Variants in DYNC2I1 observed in about 807,000 individuals in gnomAD.
DYNC2I1 encodes dynein 2 intermediate chain 1.
DYNC2I1 carries 89 observed loss-of-function variants against 133.4 expected under a neutral mutation model. The observed-to-expected ratio is 0.67, with a 90% CI of 0.56 to 0.80. DYNC2I1 has a LOEUF of 0.80. DYNC2I1 is among the 30% of genes least tolerant of loss of function. The pLI, the probability that DYNC2I1 is intolerant of heterozygous loss-of-function variation, is 0.00. For missense variants in DYNC2I1, 1,291 were observed against 1,314.5 expected (o/e 0.98, Z 0.28); for synonymous variants, 504 against 484.3 (o/e 1.04, Z -0.54).
Position 158,871,557 on chromosome 7 carries a change from G to C in DYNC2I1, c.485G>C (p.Arg162Pro), listed in dbSNP as rs541525679. Residue 162 changes from arginine (R) to proline (P), a missense_variant, in exon 3 of 25, where the codon CGC (arginine) becomes CCC (proline). Arg to Pro is a moderately radical substitution (Grantham distance 103). Transcript: ENST00000407559. ...CTGGAGCGGGCGGAGAGGAAAGGCC[G>C]CTCAGGTGGGTCCCCGCTTGCCTTC... ...QLLERAERKGRSVSKVRSEEK... is the reference protein window; with the variant it reads ...QLLERAERKGPSVSKVRSEEK... 2 of 1,533,366 alleles carry C rather than the reference G, an allele frequency of 1.3e-6. No individual in the cohort carries two copies. The highest frequency in any genetic ancestry group is 2.4e-5 in the South Asian group (2 of 83,138). The allele number at this position is 1,533,366 out of a possible 1,614,324, so 95.0% of individuals were successfully genotyped here. A position where few individuals can be genotyped will look rare whatever the true frequency, so the allele number is the denominator to read the frequency against.
At position 158,923,642 on chromosome 7, in the gene DYNC2I1, C is replaced by T. The variant is rs201703506; in HGVS notation, c.2166C>T (p.Val722=). The change falls in exon 17 of 25, where the codon GTC becomes GTT. Residue 722 remains valine (V), a synonymous_variant. Coordinates refer to ENST00000407559, the MANE Select transcript of DYNC2I1 (RefSeq NM_018051.5). ...CCGGAACAGCGCACGGCTCAGTTGT[C>T]GTCTGGGATTTGAGAGAAGACTCAA... ...LFAGTAHGSV[V]VWDLREDSRL... 37 of 1,613,958 alleles carry T rather than the reference C, an allele frequency of 2.3e-5. No individual in the cohort carries two copies. The highest frequency in any genetic ancestry group is 1.7e-4 in the Admixed American group (10 of 60,016).
chr7:158,846,507 T>C, the DYNC2I1 span, among the ~76,000 whole-genome samples: 1 of 152,162 alleles, frequency 6.6e-6, no homozygotes, highest in Non-Finnish European at 1.5e-5. Flanking sequence ...GTAATACTGT[T>C]AGTAAAAAAA....
At chr7:158,859,385 T>C (rs1048218650) in intron 1 of DYNC2I1, among the ~76,000 whole-genome samples, 1 of 152,194 alleles carries the variant, frequency 6.6e-6, no homozygotes. Flanking sequence ...CCAGAAGATT[T>C]AGGATCTTTA....
downstream of DYNC2I1, among the ~76,000 whole-genome samples, chr7:158,957,723 C>A (rs1021079791): frequency 6.6e-6 from 1 of 152,204 alleles, no homozygotes; most frequent in Non-Finnish European, 1.5e-5. Flanking sequence ...CATCGAGCCT[C>A]CCCGGGGAGC....
At chr7:158,869,280 T>G (rs1435789391) in intron 1 of DYNC2I1, among the ~76,000 whole-genome samples, 1 of 150,460 alleles carries the variant, frequency 6.6e-6, no homozygotes. Context: ...CTGTGGCATC[T>G]GCTGTGAGGG....
At chr7:158,915,468 C>G (rs1330688374) in intron 14 of DYNC2I1, among the ~76,000 whole-genome samples, 66 of 150,356 alleles carry the variant, frequency 4.4e-4, no homozygotes, top group East Asian at 9.7e-4. Context: ...CGTCGACACG[C>G]TGGTTGACAT....
Position 158,945,752 on chromosome 7 carries a change from G to A in DYNC2I1, c.3174G>A (p.Leu1058=), listed in dbSNP as rs1851826234. The change falls in exon 25 of 25, where the codon CTG becomes CTA. Residue 1058 remains leucine (L), a synonymous_variant. Coordinates refer to ENST00000407559, the MANE Select transcript of DYNC2I1 (RefSeq NM_018051.5). This position sits in a 1 kb window ranked among gnomAD's most constrained non-coding sequence, Gnocchi z 4.1. ...TGCGTCTGCTTTTGCAGGAAGCCCT[G>A]TGGCCAGAGGGAAAACTGCACAAGT... ...NRLRLLLQEA[L]WPEGKLHK The A allele has an allele frequency of 3.2e-6, 5 of 1,584,882 alleles. No homozygotes were observed. The highest frequency in any genetic ancestry group is 1.7e-4 in the Middle Eastern group (1 of 5,948).
chr7:158,933,144 T>C (rs1470979953), intron 21 of DYNC2I1, among the ~76,000 whole-genome samples: 1 of 152,186 alleles, frequency 6.6e-6, no homozygotes, highest in African/African-American at 2.4e-5. Context: ...GCTGATAGCA[T>C]GGCCACATGC....
intron 14 of DYNC2I1, among the ~76,000 whole-genome samples, chr7:158,916,804 A>G (rs1407854419): frequency 1.9e-4 from 10 of 52,514 alleles, no homozygotes; most frequent in Admixed American, 4.7e-4. Flanking sequence ...GTTGACATTA[A>G]GGATGATTGT....
Position 158,916,139 on chromosome 7 carries a change from G to T in DYNC2I1, c.1791+1818G>T, listed in dbSNP as rs1210263195. On this transcript the variant is annotated intron_variant, in intron 14 of 24. Transcript: ENST00000407559. ...ACATTAAGGATGATTGTGAAACGTCGACATGGTGGTTGACATTAAGGATGA... is the reference window on the plus strand; with the variant it reads ...ACATTAAGGATGATTGTGAAACGTCTACATGGTGGTTGACATTAAGGATGA... Among the ~76,000 whole-genome samples, 11 of 80,926 alleles carry T rather than the reference G, an allele frequency of 1.4e-4. No individual in the cohort carries two copies. The South Asian group carries it at 1.5e-3, about 11-fold the overall frequency. The allele number at this position is 80,926 out of a possible 152,430, so 53.1% of individuals were successfully genotyped here.
In DYNC2I1 at chr7:158,926,474, G is replaced by A. The variant is rs1188133468; in HGVS notation, c.2433+11G>A. The A allele has an allele frequency of 6.2e-7, 1 of 1,611,652 alleles. No homozygotes were observed. The highest frequency in any genetic ancestry group is 1.7e-5 in the Admixed American group (1 of 59,680). On this transcript the variant is annotated intron_variant, in intron 19 of 24. Coordinates refer to ENST00000407559, the MANE Select transcript of DYNC2I1 (RefSeq NM_018051.5). ...GTTCTCAATGTATGGGTGAGTAGTG[G>A]CCCAGGCCGGGCACATGCGGGGCCT...
intron 13 of DYNC2I1, among the ~76,000 whole-genome samples, chr7:158,913,867 C>G (rs1156847636): frequency 6.6e-6 from 1 of 152,114 alleles, no homozygotes; most frequent in Admixed American, 6.6e-5. Context: ...TGCTATCATG[C>G]CTGGCTAATT....
chr7:158,848,663 G>T, the DYNC2I1 span, among the ~76,000 whole-genome samples: 1 of 151,942 alleles, frequency 6.6e-6, no homozygotes, highest in Admixed American at 6.6e-5. Flanking sequence ...GGTGACTCAC[G>T]CCTGTAATCC....
At chr7:158,849,365 C>G in the DYNC2I1 span, among the ~76,000 whole-genome samples, 1 of 152,208 alleles carries the variant, frequency 6.6e-6, no homozygotes, top group African/African-American at 2.4e-5. Context: ...GAAGGCATGT[C>G]AGTCTGCCCT....
At chr7:158,927,692 C>T (rs1476023584) in intron 20 of DYNC2I1, among the ~76,000 whole-genome samples, 1 of 152,028 alleles carries the variant, frequency 6.6e-6, no homozygotes, top group Non-Finnish European at 1.5e-5. Context: ...GCTGGGATTA[C>T]AGGTGCTTGC....
At chr7:158,941,384 A>G (rs758531444) in intron 23 of DYNC2I1, among the ~76,000 whole-genome samples, 1 of 152,232 alleles carries the variant, frequency 6.6e-6, no homozygotes, top group Non-Finnish European at 1.5e-5. Context: ...GTTTATATAT[A>G]CGCTGAATCT....
chr7:158,871,032 A>C, intron 2 of DYNC2I1, 110 bp from the exon 3 acceptor site: 1 of 1,268,716 alleles, frequency 7.9e-7, no homozygotes, highest in Non-Finnish European at 1.1e-6. Flanking sequence ...GTTGAATGCA[A>C]ATATGTTTTA....
Position 158,907,891 on chromosome 7 carries a change from G to A in DYNC2I1, c.1460+1800G>A, listed in dbSNP as rs148938851. Reference sequence around the variant, plus strand: ...GCCTCCCAAAGTATTGGGATTACAGGTGTGAGCTGCTGTGCCCGGCTGGTA... The same window carrying A: ...GCCTCCCAAAGTATTGGGATTACAGATGTGAGCTGCTGTGCCCGGCTGGTA... On this transcript the variant is annotated intron_variant, in intron 11 of 24. Coordinates refer to ENST00000407559, the MANE Select transcript of DYNC2I1 (RefSeq NM_018051.5). 3.5e-3 allele frequency among the ~76,000 whole-genome samples: 528 copies of A among 152,166 alleles called. 4 individuals are homozygous for A. Among genetic ancestry groups the A allele is most frequent in the African/African-American group, 0.012 (506 of 41,494 alleles).
intron 12 of DYNC2I1, among the ~76,000 whole-genome samples, chr7:158,912,261 G>C (rs1236389939): frequency 6.6e-6 from 1 of 152,050 alleles, no homozygotes; most frequent in Admixed American, 6.6e-5. Context: ...AATTCATTAT[G>C]TGATGGTCTC....
Sources: gnomAD v4.1 joint callset for allele counts (sites outside exome capture counted in the v4.1 genomes callset) on GRCh38, gnomAD v4.1.1 for gene constraint, Gnocchi (gnomAD v3.1) non-coding constraint, MANE v1.5 for transcripts, NCBI Gene and HGNC (gene_info 2026-07-23, HGNC 2026-07-21) for gene names.